The following BAIAP2L1 variants were observed in gnomAD, a reference collection of about 807,000 sequenced individuals.
BAIAP2L1 encodes BAR/IMD domain-containing adapter protein 2-like 1.
In BAIAP2L1, 35 loss-of-function variants were observed where a neutral mutation model predicts 66.3. That is an observed-to-expected ratio of 0.53 (90% CI 0.40 to 0.70). The LOEUF is 0.70. Ranked by LOEUF, BAIAP2L1 falls within the 30% of genes least tolerant of loss-of-function variation. The probability of loss-of-function intolerance (pLI) is 0.00; values close to 1 mark genes in which losing one functional copy is unlikely to be tolerated. For synonymous variants in BAIAP2L1, 269 were observed against 248.7 expected (o/e 1.08, Z -0.77); for missense variants, 622 against 656.9 (o/e 0.95, Z 0.58).
At chr7:98,305,854 A>G (rs1800636915) in intron 11 of BAIAP2L1, among the ~76,000 whole-genome samples, 1 of 152,112 alleles carries the variant, frequency 6.6e-6, no homozygotes, top group Non-Finnish European at 1.5e-5. Flanking sequence ...TGGAATACGG[A>G]TTTGGGGGTT....
At chr7:98,385,657 G>T in intron 1 of BAIAP2L1, 2 of 694,860 alleles carry the variant, frequency 2.9e-6, no homozygotes, top group South Asian at 1.8e-5. Context: ...CAAGCAAGCT[G>T]CCTGCTTCAG....
rs2115726494 is a variant in BAIAP2L1, at chr7:98,362,387, G to T, written c.97C>A (p.Leu33Met). 1 of 1,612,568 alleles carries T rather than the reference G, an allele frequency of 6.2e-7. No homozygotes were observed. Among genetic ancestry groups the T allele is most frequent in the Middle Eastern group, 1.7e-4 (1 of 6,054 alleles). ...ACAGCTTTCTCATAATTTTTCCCCA[G>T]GTTTATTAAATTTCGCAGCCCAGGA... ...FNPGLRNLIN[L>M]GKNYEKAVNA... The change falls in exon 2 of 14, where the codon CTG becomes ATG. Residue 33 changes from leucine to methionine, a missense_variant. Transcript: ENST00000005260.
At chr7:98,358,160 G>A (rs1284950222) in intron 2 of BAIAP2L1, among the ~76,000 whole-genome samples, 1 of 152,066 alleles carries the variant, frequency 6.6e-6, no homozygotes, top group Non-Finnish European at 1.5e-5. Context: ...ATTAATTGTT[G>A]ACTTACATTG....
intron 2 of BAIAP2L1, among the ~76,000 whole-genome samples, chr7:98,356,476 G>C (rs141251894): frequency 1.3e-5 from 2 of 151,934 alleles, no homozygotes; most frequent in Non-Finnish European, 2.9e-5. Flanking sequence ...ATGGGCAATT[G>C]TTTTAACAAG....
chr7:98,305,040 G>GTT (rs1386050479), intron 11 of BAIAP2L1, among the ~76,000 whole-genome samples: 31 of 87,122 alleles, frequency 3.6e-4, no homozygotes, highest in South Asian at 3.1e-3. Flanking sequence ...TAATTTTTTT[G>GTT]TTTTTTGTTT....
At chr7:98,359,891 T>C (rs1339782960) in intron 2 of BAIAP2L1, among the ~76,000 whole-genome samples, 1 of 151,422 alleles carries the variant, frequency 6.6e-6, no homozygotes, top group African/African-American at 2.4e-5. Flanking sequence ...TCCTGATAGG[T>C]AGGACCACAG....
intron 2 of BAIAP2L1, among the ~76,000 whole-genome samples, chr7:98,357,039 ATATATATATATTTTTTTT>A (rs1269012808): frequency 1.2e-4 from 2 of 17,378 alleles, no homozygotes; most frequent in African/African-American, 4.4e-4. Context: ...ATATATATAT[ATATATATATATTTTTTTT>A]TTTTTTTTTT....
chr7:98,373,319 AC>A (rs1442072339), intron 1 of BAIAP2L1, among the ~76,000 whole-genome samples: 1 of 152,172 alleles, frequency 6.6e-6, no homozygotes, highest in Non-Finnish European at 1.5e-5. Flanking sequence ...GATCAGAAAT[AC>A]TCATTGAAAT....
chr7:98,330,805 G>A (rs550712948), intron 3 of BAIAP2L1, among the ~76,000 whole-genome samples: 1 of 151,190 alleles, frequency 6.6e-6, no homozygotes, highest in Non-Finnish European at 1.5e-5. Context: ...CACATGGTGT[G>A]AGAGGGAGCA....
rs1584486387 is a variant in BAIAP2L1 at position 98,362,573 on chromosome 7, A to G, written c.52-141T>C. ...AAGTAATGAATGCTGATGTAAAAAT[A>G]ATGAAGCACACCTATTCCCTTACCT... On this transcript the variant is annotated intron_variant, in intron 1 of 13. Transcript: ENST00000005260. 5 of 673,930 alleles carry G rather than the reference A, an allele frequency of 7.4e-6. No individual in the cohort carries two copies. In the East Asian group the frequency reaches 1.4e-4, roughly 19 times the overall value. The allele number at this position is 673,930 out of a possible 1,614,324, so 41.7% of individuals were successfully genotyped here.
chr7:98,294,171 T>C, intron 12 of BAIAP2L1, 60 bp from the exon 13 acceptor site: 1 of 1,556,470 alleles, frequency 6.4e-7, no homozygotes, highest in Admixed American at 1.7e-5. Context: ...AAAATTATTT[T>C]AGGTAGAGAT....
At chr7:98,378,791 A>G (rs1040759900) in intron 1 of BAIAP2L1, among the ~76,000 whole-genome samples, 3 of 150,756 alleles carry the variant, frequency 2.0e-5, no homozygotes, top group Non-Finnish European at 4.4e-5. Context: ...ACACGCCACC[A>G]TGTCCATGGC....
At chr7:98,379,725 T>C (rs1328368275) in intron 1 of BAIAP2L1, among the ~76,000 whole-genome samples, 2 of 148,662 alleles carry the variant, frequency 1.3e-5, no homozygotes, top group African/African-American at 5.2e-5. Context: ...TTTAATAGAA[T>C]ATTATTCAGC....
chr7:98,304,688 C>T (rs1800567959), intron 11 of BAIAP2L1, among the ~76,000 whole-genome samples: 1 of 152,042 alleles, frequency 6.6e-6, no homozygotes, highest in South Asian at 2.1e-4. Flanking sequence ...GCTGGGATTA[C>T]AGGTGCACGC....
chr7:98,294,053 C>A (rs751704840), intron 13 of BAIAP2L1, 21 bp downstream of exon 13: 1 of 1,613,230 alleles, frequency 6.2e-7, no homozygotes, highest in South Asian at 1.1e-5. Flanking sequence ...CACTGAGGCT[C>A]ACGTAGGAAG....
Position 98,355,078 on chromosome 7 carries a change from C to T in BAIAP2L1, c.178G>A (p.Glu60Lys). Residue 60 changes from glutamate to lysine, a missense_variant, in exon 3 of 14, where the codon GAG (glutamate) becomes AAG (lysine). By Grantham distance (56) the Glu-to-Lys change is moderately conservative (BLOSUM62 1). Transcript: ENST00000005260. ...AYYDGVAKIGEIATGSPVSTE... is the reference protein window; with the variant it reads ...AYYDGVAKIGKIATGSPVSTE... ...GACACGGGGGACCCAGTGGCAATCT[C>T]ACCGATCTTGGCCACTCCATCGTAG... 1 of 1,614,090 alleles carries T rather than the reference C, an allele frequency of 6.2e-7. No individual in the cohort carries two copies. Among genetic ancestry groups the T allele is most frequent in the South Asian group, 1.1e-5 (1 of 91,084 alleles).
chr7:98,292,720 C>A lies in BAIAP2L1; in HGVS notation c.*801G>T. On this transcript the variant is annotated 3_prime_UTR_variant, in exon 14 of 14. Transcript: ENST00000005260. ...AACACGGAGAAACCAGGACCCCGAG[C>A]AGTTTGAGTGTACTGGTAATGGATG... 1.9e-6 allele frequency: 3 copies of A among 1,551,580 alleles called. No homozygotes were observed. The highest frequency in any genetic ancestry group is 1.7e-6 in the Non-Finnish European group (2 of 1,146,970).
Position 98,292,343 on chromosome 7 carries a change from TC to T in BAIAP2L1, c.*1177del, listed in dbSNP as rs1462242194. On this transcript the variant is annotated 3_prime_UTR_variant, in exon 14 of 14. Transcript: ENST00000005260. ...TTCAAGTGATTCTCCTGCCTCAGCC[TC>T]CTGAGTGGCGCCCACCACCACACCT... 2.7e-6 allele frequency: 1 copy of T among 375,668 alleles called. No individual in the cohort carries two copies. The highest frequency in any genetic ancestry group is 2.1e-5 in the African/African-American group (1 of 47,672). The allele number at this position is 375,668 out of a possible 1,614,324, so 23.3% of individuals were successfully genotyped here.
intron 1 of BAIAP2L1, among the ~76,000 whole-genome samples, chr7:98,379,694 G>A (rs972585898): frequency 1.3e-5 from 2 of 152,138 alleles, no homozygotes; most frequent in African/African-American, 4.8e-5. Context: ...ACTGGTGAAT[G>A]AACAAAACGT....
Sources: allele counts gnomAD v4.1 joint callset (sites outside exome capture counted in the v4.1 genomes callset), GRCh38; gene constraint gnomAD v4.1.1; transcripts MANE v1.5; gene names NCBI Gene and HGNC (gene_info 2026-07-23, HGNC 2026-07-21).